Variants in PARD3B observed in about 807,000 individuals in gnomAD.
The protein encoded by PARD3B is par-3 family cell polarity regulator beta.
In PARD3B, 103 loss-of-function variants were observed where a neutral mutation model predicts 130.2. The observed-to-expected ratio is 0.79, with a 90% confidence interval of 0.67 to 0.93. PARD3B has a LOEUF of 0.93. Ranked by LOEUF, PARD3B falls within the 40% of genes least tolerant of loss-of-function variation. The pLI, the probability that PARD3B is intolerant of heterozygous loss-of-function variation, is 0.00. For synonymous variants in PARD3B, 583 were observed against 553.2 expected (o/e 1.05, Z -0.76); for missense variants, 1,609 against 1,499.2 (o/e 1.07, Z -1.21).
At chr2:204,571,144 C>T (rs375721172) in intron 1 of PARD3B, among the ~76,000 whole-genome samples, 3 of 152,182 alleles carry the variant, frequency 2.0e-5, no homozygotes, top group African/African-American at 7.2e-5. Context: ...AATCCACTAA[C>T]TTGCATTGGC....
chr2:205,489,882 A>G (rs2049624368), intron 20 of PARD3B, among the ~76,000 whole-genome samples: 1 of 152,174 alleles, frequency 6.6e-6, no homozygotes, highest in Admixed American at 6.6e-5. Flanking sequence ...ATTAGAAGCC[A>G]GCCTTGCATT....
chr2:205,210,006 A>C (rs1179045596), intron 15 of PARD3B, among the ~76,000 whole-genome samples: 3 of 152,034 alleles, frequency 2.0e-5, no homozygotes, highest in African/African-American at 7.2e-5. Context: ...AGAACATCTC[A>C]TGTATCCCAT....
chr2:204,765,763 A>C (rs745325393), intron 2 of PARD3B, among the ~76,000 whole-genome samples: 2 of 152,208 alleles, frequency 1.3e-5, no homozygotes, highest in Non-Finnish European at 2.9e-5. Flanking sequence ...TAATGGAGGA[A>C]ATGGCCCTGA....
Position 205,592,654 on chromosome 2 carries a change from A to G in PARD3B, c.3261-22802A>G, listed in dbSNP as rs1239075080. Among the ~76,000 whole-genome samples the G allele has an allele frequency of 6.6e-6, 1 of 152,250 alleles. No homozygotes were observed. Among genetic ancestry groups the G allele is most frequent in the Non-Finnish European group, 1.5e-5 (1 of 68,040 alleles). ...TTTAAGGTTTTTCATGATCTTATAT[A>G]TCTTACCATATAAATCTAAATCAAT... On this transcript the variant is annotated intron_variant, in intron 22 of 22. Coordinates refer to ENST00000406610, the MANE Select transcript of PARD3B (RefSeq NM_001302769.2). The surrounding 1 kb of genome is among the most constrained non-coding windows in gnomAD (Gnocchi z 4.5).
In PARD3B at chr2:205,473,297, A is replaced by G. The variant is rs2048903248; in HGVS notation, c.3045-26599A>G. Among the ~76,000 whole-genome samples the G allele has an allele frequency of 6.6e-6, 1 of 152,144 alleles. No individual in the cohort carries two copies. Among genetic ancestry groups the G allele is most frequent in the Non-Finnish European group, 1.5e-5 (1 of 68,000 alleles). ...ATTGCAGCATTCTGCCTTTCATATC[A>G]TAGGTTAATTTTTCATGGATCGTTA... On this transcript the variant is annotated intron_variant, in intron 20 of 22. Coordinates refer to ENST00000406610, the MANE Select transcript of PARD3B (RefSeq NM_001302769.2). This position sits in a 1 kb window ranked among gnomAD's most constrained non-coding sequence, Gnocchi z 4.9.
At position 205,252,602 on chromosome 2, in the gene PARD3B, A is replaced by C. The variant is rs555413506; in HGVS notation, c.2185+6780A>C. Among the ~76,000 whole-genome samples, 3 of 152,306 alleles carry C rather than the reference A, an allele frequency of 2.0e-5. No homozygotes were observed. The East Asian group carries it at 5.8e-4, about 29-fold the overall frequency. On this transcript the variant is annotated intron_variant, in intron 16 of 22. Transcript: ENST00000406610. ...CAGGCTTCTGGAAAGTTCTGAGAAC[A>C]TGAAACATCATGGTATATTTAAGAA...
At chr2:204,990,649 G>C (rs976737943) in intron 3 of PARD3B, among the ~76,000 whole-genome samples, 4 of 152,078 alleles carry the variant, frequency 2.6e-5, no homozygotes, top group Non-Finnish European at 2.9e-5. Flanking sequence ...ATGTGTGTGT[G>C]TGTATGCTAC....
intron 3 of PARD3B, among the ~76,000 whole-genome samples, chr2:204,976,499 A>G (rs1692166758): frequency 6.6e-6 from 1 of 152,136 alleles, no homozygotes; most frequent in African/African-American, 2.4e-5. Context: ...CTGCCACATA[A>G]TAGGTGGTAT....
intron 2 of PARD3B, among the ~76,000 whole-genome samples, chr2:204,744,873 C>G (rs58949460): frequency 6.6e-6 from 1 of 152,106 alleles, no homozygotes; most frequent in Non-Finnish European, 1.5e-5. Context: ...ACCACTCTAA[C>G]CCATTCCCCT....
chr2:205,252,155 C>T (rs2039877604), intron 16 of PARD3B, among the ~76,000 whole-genome samples: 1 of 152,114 alleles, frequency 6.6e-6, no homozygotes, highest in Admixed American at 6.5e-5. Flanking sequence ...ATTCTTTACT[C>T]CTCAAATATG....
intron 22 of PARD3B, among the ~76,000 whole-genome samples, chr2:205,594,107 G>A (rs540675893): frequency 6.6e-6 from 1 of 152,176 alleles, no homozygotes; most frequent in Non-Finnish European, 1.5e-5. Flanking sequence ...GTGGTTTCTG[G>A]CAGGGCCATG....
In PARD3B at chr2:205,575,972, C is replaced by T. The variant is rs904495652; in HGVS notation, c.3260+22569C>T. Among the ~76,000 whole-genome samples the T allele has an allele frequency of 6.6e-6, 1 of 152,180 alleles. No individual in the cohort carries two copies. The highest frequency in any genetic ancestry group is 1.5e-5 in the Non-Finnish European group (1 of 68,034). ...CAAACTATCTTCCAAAGTGGCTGTA[C>T]CATTTTGAATTCCCACAAGCAATGA... On this transcript the variant is annotated intron_variant, in intron 22 of 22. Transcript: ENST00000406610. The surrounding 1 kb of genome is among the most constrained non-coding windows in gnomAD (Gnocchi z 4.6).
At chr2:205,515,029 C>A (rs1200882460) in intron 21 of PARD3B, among the ~76,000 whole-genome samples, 1 of 151,924 alleles carries the variant, frequency 6.6e-6, no homozygotes, top group Non-Finnish European at 1.5e-5. Context: ...TCTGTTGTTT[C>A]TTTCTTTGTT....
At chr2:204,593,782 T>G (rs1417275242) in intron 1 of PARD3B, among the ~76,000 whole-genome samples, 4 of 152,178 alleles carry the variant, frequency 2.6e-5, no homozygotes, top group Non-Finnish European at 5.9e-5. Flanking sequence ...TTTCTTCAAA[T>G]ATCCTGCTAC....
intron 3 of PARD3B, among the ~76,000 whole-genome samples, chr2:205,001,473 T>C (rs1321832563): frequency 6.6e-6 from 1 of 152,208 alleles, no homozygotes; most frequent in Non-Finnish European, 1.5e-5. Flanking sequence ...AGCCCTTACA[T>C]ATCCTGATGG....
intron 1 of PARD3B, among the ~76,000 whole-genome samples, chr2:204,655,345 A>G (rs75063513): frequency 3.9e-5 from 6 of 152,186 alleles, no homozygotes; most frequent in African/African-American, 1.4e-4. Flanking sequence ...CATAGTAGCT[A>G]CATTCCTTTC....
At chr2:204,870,290 C>A (rs1305471873) in intron 2 of PARD3B, among the ~76,000 whole-genome samples, 2 of 152,120 alleles carry the variant, frequency 1.3e-5, no homozygotes, top group East Asian at 3.8e-4. Flanking sequence ...TACCAGAATA[C>A]CTCTTACTGT....
chr2:205,321,271 A>G lies in PARD3B; in HGVS notation c.2630+19570A>G, dbSNP rs1366587511. ...TGTCTGAGAGTATATTCTTTGATTC[A>G]TTTTCTTATTTATGTCTTTTTAACC... On this transcript the variant is annotated intron_variant, in intron 18 of 22. Coordinates refer to ENST00000406610, the MANE Select transcript of PARD3B (RefSeq NM_001302769.2). This position sits in a 1 kb window ranked among gnomAD's most constrained non-coding sequence, Gnocchi z 4.2. Among the ~76,000 whole-genome samples the G allele has an allele frequency of 3.3e-5, 5 of 152,068 alleles. No homozygotes were observed. The highest frequency in any genetic ancestry group is 7.4e-5 in the Non-Finnish European group (5 of 67,968).
intron 1 of PARD3B, among the ~76,000 whole-genome samples, chr2:204,552,356 G>A (rs1241864474): frequency 6.6e-6 from 1 of 152,134 alleles, no homozygotes; most frequent in East Asian, 1.9e-4. Flanking sequence ...TACACCTTTG[G>A]TGCAACAGGC....
Sources: gnomAD v4.1 joint callset for allele counts (sites outside exome capture counted in the v4.1 genomes callset) on GRCh38, gnomAD v4.1.1 for gene constraint, Gnocchi (gnomAD v3.1) non-coding constraint, MANE v1.5 for transcripts, NCBI Gene and HGNC (gene_info 2026-07-23, HGNC 2026-07-21) for gene names.